ZHX2: variants seen among roughly 807,000 people sequenced by gnomAD.
ZHX2 encodes zinc fingers and homeoboxes 2.
A neutral mutation model predicts 21.9 loss-of-function variants in ZHX2; 6 were observed. The observed-to-expected ratio is 0.27, with a 90% CI of 0.15 to 0.54. The LOEUF is 0.54. ZHX2 is among the 20% of genes least tolerant of loss of function. The pLI, the probability that ZHX2 is intolerant of heterozygous loss-of-function variation, is 0.95. For synonymous variants in ZHX2, 434 were observed against 437.1 expected, an observed-to-expected ratio of 0.99 and a Z score of 0.09; for missense variants, 908 against 1,090.7, an observed-to-expected ratio of 0.83 and a Z score of 2.36.
rs564344896 is a variant in ZHX2 at position 122,833,919 on chromosome 8, C to T, written c.-282-29558C>T. Among the ~76,000 whole-genome samples the T allele has an allele frequency of 8.5e-5, 13 of 152,058 alleles. No individual in the cohort carries two copies. The East Asian group carries it at 2.3e-3, about 27-fold the overall frequency. ...GGCTGAGGCAGGAGAATGGCGTGAA[C>T]CCGGGAGGCGGAGCTTGCAGTGAGC... On this transcript the variant is annotated intron_variant, in intron 1 of 3. Transcript: ENST00000314393.
chr8:122,957,614 C>T (rs1045464930), intron 3 of ZHX2, among the ~76,000 whole-genome samples: 1 of 152,122 alleles, frequency 6.6e-6, no homozygotes, highest in African/African-American at 2.4e-5. Context: ...ACTACAGGCA[C>T]GTGCCACCAT....
intron 1 of ZHX2, among the ~76,000 whole-genome samples, chr8:122,801,168 T>C (rs1299583410): frequency 6.6e-6 from 1 of 152,146 alleles, no homozygotes; most frequent in Non-Finnish European, 1.5e-5. Context: ...CATGAAAAAA[T>C]TCGTAATTCT....
At chr8:122,854,298 G>A (rs1484047877) in intron 1 of ZHX2, among the ~76,000 whole-genome samples, 1 of 152,222 alleles carries the variant, frequency 6.6e-6, no homozygotes, top group African/African-American at 2.4e-5. Context: ...CTGGCCCTTG[G>A]TTCCATCATC....
intron 2 of ZHX2, among the ~76,000 whole-genome samples, chr8:122,873,627 T>A (rs1409498984): frequency 6.6e-6 from 1 of 152,222 alleles, no homozygotes; most frequent in Non-Finnish European, 1.5e-5. Context: ...CAGACAACAA[T>A]GTATTTGATC....
chr8:122,783,158 T>C (rs1817326885), intron 1 of ZHX2, among the ~76,000 whole-genome samples: 1 of 152,108 alleles, frequency 6.6e-6, no homozygotes, highest in Admixed American at 6.5e-5. Context: ...TGATTGATAG[T>C]CTTCAAAGCC....
intron 2 of ZHX2, among the ~76,000 whole-genome samples, chr8:122,911,547 C>A (rs1343316820): frequency 6.6e-6 from 1 of 152,130 alleles, no homozygotes; most frequent in Non-Finnish European, 1.5e-5. Context: ...AGAGTGGAAG[C>A]ATAAAGGGAA....
chr8:122,813,234 G>A (rs1336645396), intron 1 of ZHX2, among the ~76,000 whole-genome samples: 3 of 151,786 alleles, frequency 2.0e-5, no homozygotes, highest in Admixed American at 1.3e-4. Flanking sequence ...AGTAGGTACT[G>A]TTGCTACCCT....
rs181626245 is a variant in ZHX2, at chr8:122,902,019, G to A, written c.-220+38480G>A. 2.3e-3 allele frequency among the ~76,000 whole-genome samples: 341 copies of A among 149,004 alleles called. 3 individuals carry two copies. The highest frequency in any genetic ancestry group is 3.7e-3 in the African/African-American group (151 of 40,740). On this transcript the variant is annotated intron_variant, in intron 2 of 3. Transcript: ENST00000314393. Reference sequence around the variant, plus strand: ...TTCAGAAGCCCCAGTCCTATGCTACGTGAAAAAAAAAAAGAATGTTTTATG... The same window carrying A: ...TTCAGAAGCCCCAGTCCTATGCTACATGAAAAAAAAAAAGAATGTTTTATG...
intron 1 of ZHX2, among the ~76,000 whole-genome samples, chr8:122,784,859 C>T (rs1817362020): frequency 6.6e-6 from 1 of 152,122 alleles, no homozygotes; most frequent in Non-Finnish European, 1.5e-5. Flanking sequence ...AGTGGCAGCC[C>T]CCAGAACACA....
At chr8:122,924,017 G>T (rs1441212499) in intron 2 of ZHX2, among the ~76,000 whole-genome samples, 2 of 152,170 alleles carry the variant, frequency 1.3e-5, no homozygotes, top group Non-Finnish European at 2.9e-5. Context: ...GAATCAGTTA[G>T]GTGGGCCTTC....
At chr8:122,837,957 C>T (rs7827277) in intron 1 of ZHX2, among the ~76,000 whole-genome samples, 4,938 of 152,288 alleles carry the variant, frequency 0.032, 259 homozygotes, top group African/African-American at 0.11. Flanking sequence ...TCCCTTTCAG[C>T]TCATTCAGGT....
At chr8:122,821,646 G>A (rs560739768) in intron 1 of ZHX2, among the ~76,000 whole-genome samples, 1 of 152,176 alleles carries the variant, frequency 6.6e-6, no homozygotes, top group South Asian at 2.1e-4. Context: ...GTGAGAGCGG[G>A]TAGACATTAG....
chr8:122,832,440 G>C lies in ZHX2; in HGVS notation c.-282-31037G>C, dbSNP rs371740680. 1.1e-4 allele frequency among the ~76,000 whole-genome samples: 16 copies of C among 152,284 alleles called. No homozygotes were observed. In the East Asian group the frequency reaches 2.9e-3, roughly 28 times the overall value. ...GAGGTAGGCAACAACCTGGAGGGTG[G>C]GTCCCTTAGACTGGGTTAGAACACC... On this transcript the variant is annotated intron_variant, in intron 1 of 3. Transcript: ENST00000314393.
chr8:122,813,820 T>G (rs893768182), intron 1 of ZHX2, among the ~76,000 whole-genome samples: 7 of 152,198 alleles, frequency 4.6e-5, no homozygotes, highest in Admixed American at 4.6e-4. Context: ...AGATTTTTTA[T>G]TAGGGATGCT....
At chr8:122,834,147 G>A (rs1818446839) in intron 1 of ZHX2, among the ~76,000 whole-genome samples, 1 of 152,168 alleles carries the variant, frequency 6.6e-6, no homozygotes, top group Admixed American at 6.5e-5. Context: ...AGCAGAGTAG[G>A]TTGCCCGGTA....
At chr8:122,917,400 C>T (rs1305943650) in intron 2 of ZHX2, among the ~76,000 whole-genome samples, 1 of 152,150 alleles carries the variant, frequency 6.6e-6, no homozygotes, top group African/African-American at 2.4e-5. Flanking sequence ...ATCCCCACCA[C>T]ACCCAAGCCC....
chr8:122,844,245 T>C (rs1274785567), intron 1 of ZHX2, among the ~76,000 whole-genome samples: 1 of 152,186 alleles, frequency 6.6e-6, no homozygotes, highest in East Asian at 1.9e-4. Flanking sequence ...TCTTTTGGTT[T>C]TGAAAGGGTA....
At chr8:122,846,104 A>G (rs1405003956) in intron 1 of ZHX2, among the ~76,000 whole-genome samples, 1 of 152,186 alleles carries the variant, frequency 6.6e-6, no homozygotes, top group Non-Finnish European at 1.5e-5. Flanking sequence ...TAGAGCATCT[A>G]AAGACAGCCT....
At chr8:122,958,631 A>G (rs1170258458) in intron 3 of ZHX2, among the ~76,000 whole-genome samples, 1 of 152,170 alleles carries the variant, frequency 6.6e-6, no homozygotes, top group Non-Finnish European at 1.5e-5. Context: ...AACTTGCCTT[A>G]TGTTCCTCAG....
Sources: allele counts gnomAD v4.1 joint callset (sites outside exome capture counted in the v4.1 genomes callset), GRCh38; gene constraint gnomAD v4.1.1; transcripts MANE v1.5; gene names NCBI Gene and HGNC (gene_info 2026-07-23, HGNC 2026-07-21).